CCDC82: variants seen among roughly 807,000 people sequenced by gnomAD.
The protein encoded by CCDC82 is coiled-coil domain containing 82, also known as coiled-coil domain-containing protein 82.
CCDC82 carries 47 observed loss-of-function variants against 60.6 expected under a neutral mutation model. The ratio of observed to expected loss-of-function variants is 0.77; its 90% CI spans 0.61 to 0.99. The LOEUF (loss-of-function observed/expected upper bound fraction) is 0.99, where lower values mean the gene tolerates loss of function less well. CCDC82 is among the 50% of genes least tolerant of loss of function. The pLI, the probability that CCDC82 is intolerant of heterozygous loss-of-function variation, is 0.00. For synonymous variants in CCDC82, 212 were observed against 207.4 expected (o/e 1.02, Z -0.19); for missense variants, 588 against 633.0 (o/e 0.93, Z 0.76).
At chr11:96,375,286 C>G (rs912055033) in intron 5 of CCDC82, among the ~76,000 whole-genome samples, 3 of 152,124 alleles carry the variant, frequency 2.0e-5, no homozygotes, top group African/African-American at 7.2e-5. Flanking sequence ...GCTATAGAGT[C>G]TTGAGAACTA....
intron 5 of CCDC82, among the ~76,000 whole-genome samples, chr11:96,378,251 T>C (rs1865691888): frequency 6.6e-6 from 1 of 152,090 alleles, no homozygotes; most frequent in Non-Finnish European, 1.5e-5. Context: ...ATTCTTATTT[T>C]AGCTAGCTCC....
intron 9 of CCDC82, chr11:96,355,036 A>G (rs887210319): frequency 6.6e-6 from 1 of 152,182 alleles, no homozygotes; most frequent in African/African-American, 2.4e-5. Context: ...CACATAACAG[A>G]AGGGGAAATA....
rs1864435729 is a variant in CCDC82, at chr11:96,358,017, T to A, written c.1566+976A>T. Reference sequence around the variant, plus strand: ...AGGGAAACCAGTGATGATGTCATTATCTAGACTGGGAGACCTCCACTAAAT... The same window carrying A: ...AGGGAAACCAGTGATGATGTCATTAACTAGACTGGGAGACCTCCACTAAAT... On this transcript the variant is annotated intron_variant, in intron 9 of 9. Transcript: ENST00000646818. 6 of 985,410 alleles carry A rather than the reference T, an allele frequency of 6.1e-6. No homozygotes were observed. The South Asian group carries it at 2.3e-4, about 39-fold the overall frequency. The allele number at this position is 985,410 out of a possible 1,614,324, so 61.0% of individuals were successfully genotyped here.
chr11:96,371,165 AT>A, intron 6 of CCDC82, 28 bp from the exon 7 acceptor site: 2 of 1,445,838 alleles, frequency 1.4e-6, no homozygotes, highest in African/African-American at 1.5e-5. Context: ...AACAAAAAAA[AT>A]CATTTTGTTA....
intron 7 of CCDC82, among the ~76,000 whole-genome samples, chr11:96,370,058 A>G (rs936512926): frequency 2.0e-5 from 3 of 152,186 alleles, no homozygotes; most frequent in African/African-American, 7.2e-5. Flanking sequence ...AACTCAAGCC[A>G]TCCTCCAACT....
intron 8 of CCDC82, among the ~76,000 whole-genome samples, chr11:96,362,582 T>C (rs1002311638): frequency 6.6e-6 from 1 of 152,198 alleles, no homozygotes; most frequent in Non-Finnish European, 1.5e-5. Flanking sequence ...TCTCCCAAAC[T>C]ACCTTTCAGA....
chr11:96,358,020 A>G (rs1864436028), intron 9 of CCDC82: 1 of 985,308 alleles, frequency 1.0e-6, no homozygotes. Flanking sequence ...GTCATTATCT[A>G]GACTGGGAGA....
chr11:96,353,803 G>A (rs1266996593), intron 9 of CCDC82, 89 bp from the exon 10 acceptor site: 1 of 826,668 alleles, frequency 1.2e-6, no homozygotes, highest in African/African-American at 1.7e-5. Flanking sequence ...ATTAGGATAA[G>A]TCCATTTCAT....
chr11:96,357,876 C>T (rs1322145573), intron 9 of CCDC82: 3 of 984,974 alleles, frequency 3.0e-6, no homozygotes, highest in Non-Finnish European at 2.4e-6. Context: ...GAAGTAGAAG[C>T]AAAGTAAAAG....
intron 6 of CCDC82, among the ~76,000 whole-genome samples, chr11:96,371,365 G>A (rs1565311041): frequency 1.3e-5 from 2 of 152,124 alleles, no homozygotes; most frequent in Admixed American, 1.3e-4. Context: ...GGTGCATTAC[G>A]AGGTCAGGAG....
At chr11:96,379,554 T>C (rs1230438075) in intron 5 of CCDC82, among the ~76,000 whole-genome samples, 1 of 151,846 alleles carries the variant, frequency 6.6e-6, no homozygotes, top group African/African-American at 2.4e-5. Flanking sequence ...GGTTTTGTTT[T>C]TGTTTTTTGG....
intron 5 of CCDC82, chr11:96,380,500 T>A (rs768125572): frequency 4.0e-5 from 6 of 151,696 alleles, no homozygotes; most frequent in Non-Finnish European, 8.9e-5. Context: ...CCTAAATGAG[T>A]TGAAAACTTA....
intron 5 of CCDC82, among the ~76,000 whole-genome samples, chr11:96,375,154 G>C (rs1422381774): frequency 6.6e-6 from 1 of 152,124 alleles, no homozygotes; most frequent in African/African-American, 2.4e-5. Context: ...CAGATGTGTT[G>C]AGAAACAAAT....
At chr11:96,388,876 A>T (rs1486206092) in intron 1 of CCDC82, 5 of 152,218 alleles carry the variant, frequency 3.3e-5, no homozygotes, top group African/African-American at 1.2e-4. Context: ...GCCGAAAAAT[A>T]ATTATTGAAT....
chr11:96,367,353 C>T (rs78620881), intron 7 of CCDC82, among the ~76,000 whole-genome samples: 7,643 of 152,294 alleles, frequency 0.05, 273 homozygotes, highest in Middle Eastern at 0.078. Context: ...TCCTCTCAAA[C>T]CCTGACACTG....
chr11:96,372,645 TATATATAAATATAAATATATATAAAC>T (rs1865335395), intron 6 of CCDC82, among the ~76,000 whole-genome samples: 1 of 145,472 alleles, frequency 6.9e-6, no homozygotes, highest in African/African-American at 2.5e-5. Context: ...AATATAAATA[TATATATAAATATAAATATATATAAAC>T]ATATATAAAT....
intron 9 of CCDC82, chr11:96,357,397 T>C: frequency 1.0e-6 from 1 of 985,364 alleles, no homozygotes; most frequent in Non-Finnish European, 1.2e-6. Context: ...CTAAATGTTA[T>C]TCTTTATGTA....
chr11:96,370,837 T>C (rs765801197), intron 7 of CCDC82, among the ~76,000 whole-genome samples, 176 bp downstream of exon 7: 11 of 152,228 alleles, frequency 7.2e-5, no homozygotes, highest in Non-Finnish European at 1.6e-4. Flanking sequence ...TGGATAGATA[T>C]AGTTAATGTG....
chr11:96,353,282 C>T lies in CCDC82; in HGVS notation c.*364G>A, dbSNP rs1186944929. 5.2e-5 allele frequency: 9 copies of T among 171,962 alleles called. No individual in the cohort carries two copies. Among genetic ancestry groups the T allele is most frequent in the African/African-American group, 7.2e-5 (3 of 41,634 alleles). The allele number at this position is 171,962 out of a possible 1,614,324, so 10.7% of individuals were successfully genotyped here. On this transcript the variant is annotated 3_prime_UTR_variant, in exon 10 of 10. Transcript: ENST00000646818. ...AATAAACAGATCTGGACAGGAATTC[C>T]GTAAAAATACATGTAGACGTTAGTC...
Sources: allele counts gnomAD v4.1 joint callset (sites outside exome capture counted in the v4.1 genomes callset), GRCh38; gene constraint gnomAD v4.1.1; transcripts MANE v1.5; gene names NCBI Gene and HGNC (gene_info 2026-07-23, HGNC 2026-07-21).